Variants in SCARF1 observed in about 807,000 individuals in gnomAD.
The protein encoded by SCARF1 is scavenger receptor class F member 1.
SCARF1 carries 49 observed loss-of-function variants against 76.3 expected under a neutral mutation model. That is an observed-to-expected ratio of 0.64 (90% CI 0.51 to 0.81). The LOEUF is 0.81. SCARF1 is among the 40% of genes least tolerant of loss of function. SCARF1 has a pLI of 0.00. For synonymous variants in SCARF1, 495 were observed against 474.6 expected, an observed-to-expected ratio of 1.04 and a Z score of -0.56; for missense variants, 1,098 against 1,143.9, an observed-to-expected ratio of 0.96 and a Z score of 0.58.
Position 1,635,523 on chromosome 17 carries a change from G to C in SCARF1, c.1728C>G (p.Ile576Met), listed in dbSNP as rs761464039. The change falls in exon 11 of 11, where the codon ATC (isoleucine) becomes ATG (methionine). Residue 576 changes from isoleucine (I) to methionine (M), a missense_variant. Ile to Met is a conservative substitution (Grantham distance 10, BLOSUM62 1). Coordinates refer to ENST00000263071, the MANE Select transcript of SCARF1 (RefSeq NM_003693.4). Reference sequence around the variant, plus strand: ...CCCGAGCTAGGCTGGAGGTGCGCGGGATGGCGAATGGCGTGGAGGCGTCCT... The same window carrying C: ...CCCGAGCTAGGCTGGAGGTGCGCGGCATGGCGAATGGCGTGGAGGCGTCCT... ...PPEDASTPFA[I>M]PRTSSLARAK... The C allele has an allele frequency of 1.2e-6, 2 of 1,613,758 alleles. No individual in the cohort carries two copies. Among genetic ancestry groups the C allele is most frequent in the South Asian group, 2.2e-5 (2 of 91,086 alleles).
At chr17:1,641,973 C>T (rs1178790115) in intron 4 of SCARF1, among the ~76,000 whole-genome samples, 2 of 152,038 alleles carry the variant, frequency 1.3e-5, no homozygotes, top group Non-Finnish European at 2.9e-5. Flanking sequence ...CCGCCCGCCT[C>T]GGCCTCTCAA....
In SCARF1 at chr17:1,635,785, C is replaced by CTCTTTT. The variant is rs554604889; in HGVS notation, c.1634-169_1634-168insAAAAGA. On this transcript the variant is annotated intron_variant, in intron 10 of 10. Transcript: ENST00000263071. ...TCAGGTAGACACTGTTACTTCTACACTTTTTTTTTTTTTAATTGTAGAGAT... is the reference window on the plus strand; with the variant it reads ...TCAGGTAGACACTGTTACTTCTACACTCTTTTTTTTTTTTTTTTTAATTGTAGAGAT... 1.7e-3 allele frequency among the ~76,000 whole-genome samples: 246 copies of CTCTTTT among 146,906 alleles called. 4 individuals carry two copies. The Middle Eastern group carries it at 0.018, about 11-fold the overall frequency.
At position 1,645,345 on chromosome 17, in the gene SCARF1, C is replaced by G. The variant is rs1910449025; in HGVS notation, c.102-106G>C. 3 of 1,452,374 alleles carry G rather than the reference C, an allele frequency of 2.1e-6. No homozygotes were observed. The East Asian group carries it at 7.2e-5, about 35-fold the overall frequency. 90.0% of individuals were successfully genotyped at this position (1,452,374 alleles called of 1,614,324 possible). A position where few individuals can be genotyped will look rare whatever the true frequency, so the allele number is the denominator to read the frequency against. The stretch of plus-strand genomic sequence containing the variant: ...GCAGTGGGGGAGGCTGCCTTAGCCC[C>G]CTGGGGAGGCCTAATGGATCTTTAC... On this transcript the variant is annotated intron_variant, in intron 1 of 10. Transcript: ENST00000263071. This position sits in a 1 kb window ranked among gnomAD's most constrained non-coding sequence, Gnocchi z 6.3.
intron 8 of SCARF1, among the ~76,000 whole-genome samples, chr17:1,637,751 C>T (rs1043176138): frequency 1.3e-5 from 2 of 152,148 alleles, no homozygotes; most frequent in African/African-American, 2.4e-5. Flanking sequence ...GGATTACAGG[C>T]GTGAGTCACT....
Position 1,640,954 on chromosome 17 carries a change from A to G in SCARF1, c.792-288T>C, listed in dbSNP as rs1280730087. Among the ~76,000 whole-genome samples, 1 of 152,102 alleles carries G rather than the reference A, an allele frequency of 6.6e-6. No individual in the cohort carries two copies. The highest frequency in any genetic ancestry group is 1.5e-5 in the Non-Finnish European group (1 of 68,020). On this transcript the variant is annotated intron_variant, in intron 4 of 10. Transcript: ENST00000263071. This position sits in a 1 kb window ranked among gnomAD's most constrained non-coding sequence, Gnocchi z 4.7. ...GCCCAGCCAGGGCAGGCGAGTCACC[A>G]CCAAGCTCTGAGTCCCATTTGCGAG...
chr17:1,643,452 A>C lies in SCARF1; in HGVS notation c.781T>G (p.Cys261Gly). The change falls in exon 4 of 11, where the codon TGC (cysteine) becomes GGC (glycine). Residue 261 changes from cysteine (C) to glycine (G), a missense_variant. By Grantham distance (159) the Cys-to-Gly change is radical. Coordinates refer to ENST00000263071, the MANE Select transcript of SCARF1 (RefSeq NM_003693.4). ...PCPAGSHGVQ[C>G]AHSCGRCKHN... ...GCCCCGCCCGCTCACCTGTGTGCGCACTGCACCCCGTGGCTGCCTGCCGGG... is the reference window on the plus strand; with the variant it reads ...GCCCCGCCCGCTCACCTGTGTGCGCCCTGCACCCCGTGGCTGCCTGCCGGG... 7.9e-7 allele frequency: 1 copy of C among 1,268,144 alleles called. No homozygotes were observed. The highest frequency in any genetic ancestry group is 2.5e-5 in the South Asian group (1 of 40,582). 78.6% of individuals were successfully genotyped at this position (1,268,144 alleles called of 1,614,324 possible).
intron 10 of SCARF1, 75 bp downstream of exon 10, chr17:1,636,634 C>G: frequency 1.3e-6 from 2 of 1,516,962 alleles, no homozygotes; most frequent in Non-Finnish European, 1.8e-6. Context: ...AAATAAATAA[C>G]TTTGCTGGAG....
At position 1,635,241 on chromosome 17, in the gene SCARF1, C is replaced by T. The variant is rs1203210164; in HGVS notation, c.2010G>A (p.Val670=). 6.2e-7 allele frequency: 1 copy of T among 1,611,822 alleles called. No homozygotes were observed. Among genetic ancestry groups the T allele is most frequent in the African/African-American group, 1.3e-5 (1 of 75,044 alleles). ...HRRPPLGGRT[V]AEHVEAIEGS... is the part of the protein sequence containing the mutation. ...CCTCAATGGCTTCCACGTGCTCAGC[C>T]ACTGTCCGGCCACCAAGTGGGGGCC... The change falls in exon 11 of 11, where the codon GTG becomes GTA. Residue 670 remains valine (V), a synonymous_variant. Coordinates refer to ENST00000263071, the MANE Select transcript of SCARF1 (RefSeq NM_003693.4).
At chr17:1,637,350 AT>A in intron 8 of SCARF1, among the ~76,000 whole-genome samples, 1 of 149,954 alleles carries the variant, frequency 6.7e-6, no homozygotes, top group Admixed American at 6.7e-5. Flanking sequence ...CTATCTATCT[AT>A]CTATCTATCT....
intron 8 of SCARF1, 49 bp downstream of exon 8, chr17:1,638,757 C>T (rs376725957): frequency 8.6e-6 from 13 of 1,520,314 alleles, no homozygotes; most frequent in Non-Finnish European, 1.1e-5. Flanking sequence ...CCCCCCTGCT[C>T]CCACCCTGTG....
At chr17:1,637,128 AG>A in intron 8 of SCARF1, 66 bp from the exon 9 acceptor site, 1 of 1,549,002 alleles carries the variant, frequency 6.5e-7, no homozygotes, top group African/African-American at 1.4e-5. Flanking sequence ...TCACCTTGGC[AG>A]GGTGTGACAG....
rs1910358642 is a variant in SCARF1 at position 1,644,561 on chromosome 17, A to G, written c.265+273T>C. The G allele has an allele frequency of 3.4e-6, 2 of 583,574 alleles. No homozygotes were observed. Among genetic ancestry groups the G allele is most frequent in the Non-Finnish European group, 3.1e-6 (1 of 326,512 alleles). The allele number at this position is 583,574 out of a possible 1,614,324, so 36.1% of individuals were successfully genotyped here. ...AAGGCAAGTAATACACTCATTTTAC[A>G]ATGAAGGGGAATCACAGGTTTTCTG... On this transcript the variant is annotated intron_variant, in intron 3 of 10. Transcript: ENST00000263071. This position sits in a 1 kb window ranked among gnomAD's most constrained non-coding sequence, Gnocchi z 4.8.
At chr17:1,639,511 A>G (rs1448249046) in intron 7 of SCARF1, 128 bp downstream of exon 7, 24 of 89,332 alleles carry the variant, frequency 2.7e-4, no homozygotes, top group South Asian at 7.8e-4. Flanking sequence ...TCTTAAGGGA[A>G]AAAAAAAAAA....
In SCARF1 at chr17:1,645,105, G is replaced by A; in HGVS notation, c.163+73C>T. The A allele has an allele frequency of 6.3e-7, 1 of 1,594,466 alleles. No individual in the cohort carries two copies. The highest frequency in any genetic ancestry group is 8.6e-7 in the Non-Finnish European group (1 of 1,164,746). On this transcript the variant is annotated intron_variant, in intron 2 of 10. Transcript: ENST00000263071. The surrounding 1 kb of genome is among the most constrained non-coding windows in gnomAD (Gnocchi z 6.3). ...GTATCAGGAGGGGCAGGCCCCATGG[G>A]GTAGGAAGGAAGGGTTGTCACTGGG...
At position 1,634,850 on chromosome 17, in the gene SCARF1, C is replaced by T; in HGVS notation, c.2401G>A (p.Glu801Lys). 6.2e-7 allele frequency: 1 copy of T among 1,614,142 alleles called. No individual in the cohort carries two copies. The highest frequency in any genetic ancestry group is 2.2e-5 in the East Asian group (1 of 44,866). ...QEPVSGCGSP[E>K]QDPQKQAEEE... ...TCAGCCTGCTTCTGGGGATCCTGTT[C>T]TGGGGAGCCACAGCCAGAGACTGGC... Residue 801 changes from glutamate (E) to lysine (K), a missense_variant, in exon 11 of 11, where the codon GAA becomes AAA. Glu to Lys is a moderately conservative substitution (Grantham distance 56, BLOSUM62 1). Coordinates refer to ENST00000263071, the MANE Select transcript of SCARF1 (RefSeq NM_003693.4).
chr17:1,643,957 G>A lies in SCARF1; in HGVS notation c.276C>T (p.Gly92=). 7.5e-7 allele frequency: 1 copy of A among 1,335,674 alleles called. No individual in the cohort carries two copies. Among genetic ancestry groups the A allele is most frequent in the South Asian group, 1.9e-5 (1 of 52,480 alleles). 82.7% of individuals were successfully genotyped at this position (1,335,674 alleles called of 1,614,324 possible). ...CACGGCAGTCGGGGCCCCAGTACTG[G>A]CCCGGGCAGCCTGCGGGGGTGGGGA... ...FGAHCSSRCP[G]QYWGPDCRES... Residue 92 remains glycine (G), a synonymous_variant, in exon 4 of 11, where the codon GGC becomes GGT. Coordinates refer to ENST00000263071, the MANE Select transcript of SCARF1 (RefSeq NM_003693.4).
At position 1,634,566 on chromosome 17, in the gene SCARF1, G is replaced by A. The variant is rs1909354701; in HGVS notation, c.*192C>T. 6 of 625,716 alleles carry A rather than the reference G, an allele frequency of 9.6e-6. No homozygotes were observed. The highest frequency in any genetic ancestry group is 3.4e-5 in the Admixed American group (1 of 29,800). 38.8% of individuals were successfully genotyped at this position (625,716 alleles called of 1,614,324 possible). On this transcript the variant is annotated 3_prime_UTR_variant, in exon 11 of 11. Coordinates refer to ENST00000263071, the MANE Select transcript of SCARF1 (RefSeq NM_003693.4). ...AACCCTTCCTGACCCCATCCTACAG[G>A]GTCTCTGCCCAGGCCTTCCTGGGCC...
chr17:1,636,607 G>A, intron 10 of SCARF1, 102 bp downstream of exon 10: 1 of 1,353,668 alleles, frequency 7.4e-7, no homozygotes, highest in Non-Finnish European at 1.0e-6. Context: ...GCAAGACCCA[G>A]TCTCAAAAAA....
intron 8 of SCARF1, among the ~76,000 whole-genome samples, chr17:1,637,348 CTA>C (rs1909662200): frequency 1.3e-5 from 2 of 150,044 alleles, no homozygotes; most frequent in African/African-American, 2.5e-5. Flanking sequence ...ATCTATCTAT[CTA>C]TCTATCTATC....
Sources: allele counts gnomAD v4.1 joint callset (sites outside exome capture counted in the v4.1 genomes callset), GRCh38; gene constraint gnomAD v4.1.1; non-coding constraint Gnocchi (gnomAD v3.1); transcripts MANE v1.5; gene names NCBI Gene and HGNC (gene_info 2026-07-23, HGNC 2026-07-21).